The following AXL variants were observed in gnomAD, a reference collection of about 807,000 sequenced individuals.
AXL encodes the protein AXL receptor tyrosine kinase.
In AXL, 52 loss-of-function variants were observed where a neutral mutation model predicts 104.5. The ratio of observed to expected loss-of-function variants is 0.50; its 90% CI spans 0.40 to 0.63. The LOEUF is 0.63. Among genes scored for constraint, AXL ranks in the 20% least tolerant of loss-of-function variants. AXL has a pLI of 0.00. For missense variants in AXL, 1,024 were observed against 1,188.5 expected, an observed-to-expected ratio of 0.86 and a Z score of 2.04; for synonymous variants, 455 against 473.7, an observed-to-expected ratio of 0.96 and a Z score of 0.51.
At chr19:41,248,457 T>C in intron 12 of AXL, 57 bp from the exon 13 acceptor site, 1 of 1,524,386 alleles carries the variant, frequency 6.6e-7, no homozygotes, top group Non-Finnish European at 9.1e-7. Flanking sequence ...GGTGGGTGAA[T>C]GTCACCTGAA....
At chr19:41,238,839 A>G (rs901571397) in intron 8 of AXL, among the ~76,000 whole-genome samples, 2 of 152,104 alleles carry the variant, frequency 1.3e-5, no homozygotes, top group Non-Finnish European at 2.9e-5. Flanking sequence ...CAGCAGACTC[A>G]TATTTACTAT....
chr19:41,221,994 A>C lies in AXL; in HGVS notation c.524A>C (p.Gln175Pro). ...GAGCCCGTGGACCTACTCTGGCTCC[A>C]GGATGCTGTCCCCCTGGCCACGGCT... The part of the protein sequence containing the change: ...PPEPVDLLWL[Q>P]DAVPLATAPG... The change falls in exon 4 of 20, where the codon CAG becomes CCG. Residue 175 changes from glutamine to proline, a missense_variant. By Grantham distance (76) the Gln-to-Pro change is moderately conservative (BLOSUM62 -1). Around this residue, in one of 5 missense-constraint regions of AXL, gnomAD observed 332 missense variants for 343.9 expected, o/e 0.97. Transcript: ENST00000301178. The C allele has an allele frequency of 6.2e-7, 1 of 1,609,592 alleles. No individual in the cohort carries two copies. The highest frequency in any genetic ancestry group is 8.5e-7 in the Non-Finnish European group (1 of 1,178,306).
At chr19:41,246,444 CA>C (rs147904229) in intron 12 of AXL, among the ~76,000 whole-genome samples, 154 of 122,348 alleles carry the variant, frequency 1.3e-3, no homozygotes, top group African/African-American at 1.4e-3. Context: ...GAGACTGTCT[CA>C]AAAAAAAAAA....
In AXL at chr19:41,243,033, G is replaced by A; in HGVS notation, c.1445+18G>A. On this transcript the variant is annotated intron_variant, in intron 11 of 19. Transcript: ENST00000301178. ...CGTTATGGGTGAGTTGGAACCACAT[G>A]GGGAGGCTGTGTGGCCTGGGATGGA... 1.2e-6 allele frequency: 2 copies of A among 1,614,070 alleles called. No homozygotes were observed. Among genetic ancestry groups the A allele is most frequent in the Non-Finnish European group, 1.7e-6 (2 of 1,179,966 alleles).
chr19:41,259,867 G>A lies in AXL; in HGVS notation c.2648G>A (p.Gly883Asp), dbSNP rs2122299631. 1 of 1,601,522 alleles carries A rather than the reference G, an allele frequency of 6.2e-7. No individual in the cohort carries two copies. The change falls in exon 20 of 20, where the codon GGC (glycine) becomes GAC (aspartate). Residue 883 changes from glycine (G) to aspartate (D), a missense_variant. By Grantham distance (94) the Gly-to-Asp change is moderately conservative. Around this residue, in one of 5 missense-constraint regions of AXL, gnomAD observed 523 missense variants for 636.0 expected, o/e 0.82. Transcript: ENST00000301178. ...AGCCCCGCTCAGCCTGCTGATAGGG[G>A]CTCCCCAGCAGCCCCAGGGCAGGAG... ...TPSPAQPADR[G>D]SPAAPGQEDG...
chr19:41,258,994 T>G (rs763978105), intron 19 of AXL, among the ~76,000 whole-genome samples: 1 of 152,160 alleles, frequency 6.6e-6, no homozygotes, highest in Admixed American at 6.5e-5. Flanking sequence ...TTCGTTGCCA[T>G]GTGGACCCCT....
At chr19:41,227,938 C>T (rs1169726009) in intron 4 of AXL, among the ~76,000 whole-genome samples, 2 of 152,104 alleles carry the variant, frequency 1.3e-5, no homozygotes, top group African/African-American at 4.8e-5. Context: ...ACGTTCTAGG[C>T]CAACCAGAGT....
At chr19:41,226,169 C>T (rs1305106567) in intron 4 of AXL, among the ~76,000 whole-genome samples, 3 of 152,088 alleles carry the variant, frequency 2.0e-5, no homozygotes, top group African/African-American at 7.2e-5. Flanking sequence ...GCCGGAAGCG[C>T]TGGGGTGGGG....
chr19:41,242,028 A>G (rs2034191011), intron 10 of AXL, among the ~76,000 whole-genome samples: 1 of 151,924 alleles, frequency 6.6e-6, no homozygotes, highest in African/African-American at 2.4e-5. Context: ...CAATCATCAC[A>G]TTTCTCACAC....
Position 41,238,111 on chromosome 19 carries a change from C to A in AXL, c.951C>A (p.Pro317=), listed in dbSNP as rs1466830029. 4.3e-6 allele frequency: 7 copies of A among 1,614,022 alleles called. No homozygotes were observed. The highest frequency in any genetic ancestry group is 5.9e-6 in the Non-Finnish European group (7 of 1,180,030). ...TGGCATGCACCAGCAGCCAGGGCCC[C>A]TCATCCTGGACCCACTGGCTTCCTG... ...IRVACTSSQG[P]SSWTHWLPVE... Residue 317 remains proline, a synonymous_variant, in exon 7 of 20, where the codon CCC becomes CCA. Coordinates refer to ENST00000301178, the MANE Select transcript of AXL (RefSeq NM_021913.5).
chr19:41,229,651 T>G (rs2033941877), intron 4 of AXL, among the ~76,000 whole-genome samples: 1 of 152,162 alleles, frequency 6.6e-6, no homozygotes, highest in African/African-American at 2.4e-5. Context: ...GTGCGAGTCA[T>G]GTAGACATTT....
intron 17 of AXL, among the ~76,000 whole-genome samples, chr19:41,254,865 G>A (rs578257932): frequency 2.6e-4 from 40 of 152,300 alleles, no homozygotes; most frequent in African/African-American, 9.4e-4. Context: ...AGTCAGCCAT[G>A]ATGGTATCAC....
At position 41,259,801 on chromosome 19, in the gene AXL, A is replaced by C. The variant is rs2034508452; in HGVS notation, c.2582A>C (p.His861Pro). ...SCSCLTAAEV[H>P]PAGRYVLCPS... ...AGCTGCCTCACTGCGGCTGAGGTCC[A>C]TCCTGCTGGACGCTATGTCCTCTGC... Residue 861 changes from histidine (H) to proline (P), a missense_variant, in exon 20 of 20, where the codon CAT becomes CCT. His to Pro is a moderately conservative substitution (Grantham distance 77, BLOSUM62 -2). This residue lies in a region of AXL where 523 missense variants were observed against 636.0 expected (regional missense o/e 0.82). Transcript: ENST00000301178. The C allele has an allele frequency of 6.2e-7, 1 of 1,613,924 alleles. No homozygotes were observed. The highest frequency in any genetic ancestry group is 1.1e-5 in the South Asian group (1 of 91,080).
intron 15 of AXL, among the ~76,000 whole-genome samples, 190 bp from the exon 16 acceptor site, chr19:41,252,656 G>A (rs958737364): frequency 3.3e-5 from 5 of 152,150 alleles, no homozygotes; most frequent in Non-Finnish European, 5.9e-5. Context: ...GGAGGGCTCC[G>A]GAAACGTCCC....
intron 4 of AXL, 40 bp downstream of exon 4, chr19:41,222,096 G>A (rs781539344): frequency 8.2e-6 from 12 of 1,471,952 alleles, no homozygotes; most frequent in Middle Eastern, 2.5e-4. Context: ...ATAGGGGGCC[G>A]GGCAGGGCTG....
At chr19:41,247,796 G>T (rs1196190288) in intron 12 of AXL, among the ~76,000 whole-genome samples, 1 of 152,064 alleles carries the variant, frequency 6.6e-6, no homozygotes, top group East Asian at 1.9e-4. Context: ...TGTTGCCCAG[G>T]CTGGTTTTGA....
intron 14 of AXL, among the ~76,000 whole-genome samples, chr19:41,249,868 C>G (rs995790839): frequency 6.6e-6 from 1 of 152,140 alleles, no homozygotes. Flanking sequence ...CCTTTCTCCC[C>G]GCTACCTGCC....
At chr19:41,239,955 T>C (rs2034152230) in intron 10 of AXL, among the ~76,000 whole-genome samples, 1 of 151,840 alleles carries the variant, frequency 6.6e-6, no homozygotes, top group Non-Finnish European at 1.5e-5. Flanking sequence ...AATAGATGGA[T>C]GGATGGATGG....
Position 41,230,966 on chromosome 19 carries a change from G to C in AXL, c.587-1G>C. 6.2e-7 allele frequency: 1 copy of C among 1,613,734 alleles called. No homozygotes were observed. The highest frequency in any genetic ancestry group is 8.5e-7 in the Non-Finnish European group (1 of 1,179,848). On this transcript the variant is annotated splice_acceptor_variant, in intron 4 of 19. Coordinates refer to ENST00000301178, the MANE Select transcript of AXL (RefSeq NM_021913.5). LOFTEE classifies it high-confidence loss of function. ...GACCCTTCCCTCATATGACTCCCTA[G>C]GGCTGAACAAGACATCCTCTTTCTC...
Sources: gnomAD v4.1 joint callset for allele counts (sites outside exome capture counted in the v4.1 genomes callset) on GRCh38, gnomAD v4.1.1 for gene constraint, gnomAD v4.1.1 regional missense constraint, MANE v1.5 for transcripts, NCBI Gene and HGNC (gene_info 2026-07-23, HGNC 2026-07-21) for gene names.